ZNF778: variants seen among roughly 807,000 people sequenced by gnomAD.
ZNF778 encodes the protein zinc finger protein 778.
Under a neutral mutation model 23.9 loss-of-function variants are expected in ZNF778, and 37 were observed. The observed-to-expected ratio is 1.54, with a 90% CI of 1.19 to 2.03. The LOEUF (loss-of-function observed/expected upper bound fraction) is 2.03, where lower values mean the gene tolerates loss of function less well. ZNF778 is among the 30% of genes most tolerant of loss of function. The pLI is 0.00. For synonymous variants in ZNF778, 483 were observed against 343.9 expected, an observed-to-expected ratio of 1.40 and a Z score of -4.48; for missense variants, 1,297 against 934.4, an observed-to-expected ratio of 1.39 and a Z score of -5.06.
At position 89,225,574 on chromosome 16, in the gene ZNF778, A is replaced by C; in HGVS notation, c.348A>C (p.Lys116Asn). The change falls in exon 6 of 7, where the codon AAA (lysine) becomes AAC (asparagine). Residue 116 changes from lysine (K) to asparagine (N), a missense_variant. Coordinates refer to ENST00000433976, the MANE Select transcript of ZNF778 (RefSeq NM_001201407.2). Reference protein sequence around the residue: ...AVLQEWRLKTKGPALRQDRSW... With the variant: ...AVLQEWRLKTNGPALRQDRSW... ...TTTCAGAATGGCGACTTAAAACCAA[A>C]GGGCCAGCACTTCGGCAGGATAGAT... 6.2e-7 allele frequency: 1 copy of C among 1,612,456 alleles called. No individual in the cohort carries two copies. Among genetic ancestry groups the C allele is most frequent in the Non-Finnish European group, 8.5e-7 (1 of 1,178,988 alleles).
rs1192614950 is a variant in ZNF778, at chr16:89,227,170, C to G, written c.882C>G (p.Ala294=). ...GTGGGAAGGCCTTTAGGTACACTGCCTACCTTACTGGTCGCGTGCAAGTCC... is the reference window on the plus strand; with the variant it reads ...GTGGGAAGGCCTTTAGGTACACTGCGTACCTTACTGGTCGCGTGCAAGTCC... ...RECGKAFRYT[A]YLTGRVQVHP... Residue 294 remains alanine, a synonymous_variant, in exon 7 of 7, where the codon GCC becomes GCG. Transcript: ENST00000433976. 9.9e-6 allele frequency: 16 copies of G among 1,613,982 alleles called. No homozygotes were observed. Among genetic ancestry groups the G allele is most frequent in the Non-Finnish European group, 1.4e-5 (16 of 1,179,876 alleles).
Position 89,230,292 on chromosome 16 carries a change from C to A in ZNF778, c.*1730C>A. 1 of 159,316 alleles carries A rather than the reference C, an allele frequency of 6.3e-6. No individual in the cohort carries two copies. Among genetic ancestry groups the A allele is most frequent in the Non-Finnish European group, 1.3e-5 (1 of 74,454 alleles). The allele number at this position is 159,316 out of a possible 1,614,324, so 9.9% of individuals were successfully genotyped here. The stretch of plus-strand genomic sequence containing the variant: ...TGGCCGTGGAGGGAGAACCACCACC[C>A]CCCACGTGGGGAGGAGGGAATTCCT... On this transcript the variant is annotated 3_prime_UTR_variant, in exon 7 of 7. Transcript: ENST00000433976.
intron 1 of ZNF778, among the ~76,000 whole-genome samples, chr16:89,218,805 A>G (rs1318195151): frequency 7.0e-6 from 1 of 142,910 alleles, no homozygotes; most frequent in Non-Finnish European, 1.5e-5. Flanking sequence ...AATAATAATA[A>G]TAATTAAAAA....
At chr16:89,222,743 A>C (rs1252055732) in intron 3 of ZNF778, among the ~76,000 whole-genome samples, 1 of 152,228 alleles carries the variant, frequency 6.6e-6, no homozygotes, top group African/African-American at 2.4e-5. Flanking sequence ...ATGGTAAGGA[A>C]GGGGAAGGTA....
chr16:89,222,135 G>A lies in ZNF778; in HGVS notation c.69G>A (p.Gln23=), dbSNP rs767354721. The A allele has an allele frequency of 6.2e-7, 1 of 1,607,180 alleles. No homozygotes were observed. The highest frequency in any genetic ancestry group is 1.3e-5 in the African/African-American group (1 of 74,792). The part of the protein sequence containing the change: ...SRDSVCLHEE[Q]TQAAGMVAGW... ...ACTCAGTCTGCCTTCATGAAGAACA[G>A]ACACAGGCAGCAGGGATGGTGGCTG... is the stretch of plus-strand genomic sequence containing the variant. The change falls in exon 3 of 7, where the codon CAG becomes CAA. Residue 23 remains glutamine (Q), a synonymous_variant. Transcript: ENST00000433976.
In ZNF778 at chr16:89,224,614, G is replaced by C. The variant is rs565474190; in HGVS notation, c.245-105G>C. The C allele has an allele frequency of 4.6e-5, 39 of 842,458 alleles. No homozygotes were observed. The South Asian group carries it at 5.4e-4, about 12-fold the overall frequency. The allele number at this position is 842,458 out of a possible 1,614,324, so 52.2% of individuals were successfully genotyped here. A position where few individuals can be genotyped will look rare whatever the true frequency, so the allele number is the denominator to read the frequency against. On this transcript the variant is annotated intron_variant, in intron 4 of 6. Coordinates refer to ENST00000433976, the MANE Select transcript of ZNF778 (RefSeq NM_001201407.2). ...AGCCTGGGCAACAGCGCGAGACGCT[G>C]TCTCAAAAAATAATAAAAAAAAGGA...
chr16:89,224,703 C>T lies in ZNF778; in HGVS notation c.245-16C>T, dbSNP rs936316404. 6.5e-6 allele frequency: 10 copies of T among 1,531,002 alleles called. No homozygotes were observed. Among genetic ancestry groups the T allele is most frequent in the Non-Finnish European group, 7.9e-6 (9 of 1,142,434 alleles). 94.8% of individuals were successfully genotyped at this position (1,531,002 alleles called of 1,614,324 possible). On this transcript the variant is annotated splice_polypyrimidine_tract_variant and intron_variant, in intron 4 of 6. Coordinates refer to ENST00000433976, the MANE Select transcript of ZNF778 (RefSeq NM_001201407.2). ...GCCTGAGCCTCTTCCATCGATGTCT[C>T]TTTCCCTGTGTACAGGACATCACCT...
At chr16:89,224,181 G>T (rs146217635) in intron 4 of ZNF778, among the ~76,000 whole-genome samples, 2,100 of 151,550 alleles carry the variant, frequency 0.014, 32 homozygotes, top group Non-Finnish European at 0.02. Flanking sequence ...CAGTGGCTCA[G>T]GGCTGTAATC....
chr16:89,228,169 C>G lies in ZNF778; in HGVS notation c.1881C>G (p.Thr627=). ...GTAAAGTATGCGGAAAGGCCTTCACCACATCCTCACACCTTATCGTGCACA... is the reference window on the plus strand; with the variant it reads ...GTAAAGTATGCGGAAAGGCCTTCACGACATCCTCACACCTTATCGTGCACA... The part of the protein sequence containing the change: ...YECKVCGKAF[T]TSSHLIVHIR... Residue 627 remains threonine (T), a synonymous_variant, in exon 7 of 7, where the codon ACC becomes ACG. Coordinates refer to ENST00000433976, the MANE Select transcript of ZNF778 (RefSeq NM_001201407.2). The G allele has an allele frequency of 6.2e-7, 1 of 1,613,400 alleles. No individual in the cohort carries two copies. Among genetic ancestry groups the G allele is most frequent in the Non-Finnish European group, 8.5e-7 (1 of 1,179,586 alleles).
chr16:89,218,734 T>G (rs2030613487), intron 1 of ZNF778, among the ~76,000 whole-genome samples: 1 of 152,008 alleles, frequency 6.6e-6, no homozygotes, highest in Admixed American at 6.6e-5. Context: ...GAGCTTGCAG[T>G]GAGCCGAGAT....
rs757942075 is a variant in ZNF778 at position 89,227,998 on chromosome 16, C to T, written c.1710C>T (p.Phe570=). 3.8e-6 allele frequency: 6 copies of T among 1,589,048 alleles called. No individual in the cohort carries two copies. The highest frequency in any genetic ancestry group is 1.7e-4 in the Middle Eastern group (1 of 6,018). Residue 570 remains phenylalanine (F), a synonymous_variant, in exon 7 of 7, where the codon TTC becomes TTT. Transcript: ENST00000433976. ...TATGTACGGTATGCAGGAAATCCTTCAGAAATTCCTCGTGCCTGAATAAGC... is the reference window on the plus strand; with the variant it reads ...TATGTACGGTATGCAGGAAATCCTTTAGAAATTCCTCGTGCCTGAATAAGC... The part of the protein sequence containing the change: ...PFICTVCRKS[F]RNSSCLNKHI...
At position 89,226,946 on chromosome 16, in the gene ZNF778, A is replaced by C. The variant is rs183423970; in HGVS notation, c.658A>C (p.Thr220Pro). 5.0e-6 allele frequency: 8 copies of C among 1,613,888 alleles called. No homozygotes were observed. In the African/African-American group the frequency reaches 1.1e-4, roughly 22 times the overall value. Residue 220 changes from threonine to proline, a missense_variant, in exon 7 of 7, where the codon ACT becomes CCT. Coordinates refer to ENST00000433976, the MANE Select transcript of ZNF778 (RefSeq NM_001201407.2). ...AAATGTTGTTTCCCAGCAAGCATGC[A>C]CTCGGGACAGATCTCTTGACTACAG... ...TPNVVSQQAC[T>P]RDRSLDYSSC...
Position 89,229,106 on chromosome 16 carries a change from T to C in ZNF778, c.*544T>C. 1.0e-6 allele frequency: 1 copy of C among 986,246 alleles called. No homozygotes were observed. The highest frequency in any genetic ancestry group is 1.2e-6 in the Non-Finnish European group (1 of 830,536). 61.1% of individuals were successfully genotyped at this position (986,246 alleles called of 1,614,324 possible). A position where few individuals can be genotyped will look rare whatever the true frequency, so the allele number is the denominator to read the frequency against. On this transcript the variant is annotated 3_prime_UTR_variant, in exon 7 of 7. Coordinates refer to ENST00000433976, the MANE Select transcript of ZNF778 (RefSeq NM_001201407.2). ...CACTGATCATTCTTGGAGTGAGGAC[T>C]CTGTTCCCTGTAGAAATCCTCCAGT...
intron 1 of ZNF778, chr16:89,218,171 C>G (rs1344460499): frequency 6.6e-6 from 1 of 152,182 alleles, no homozygotes; most frequent in Non-Finnish European, 1.5e-5. Context: ...TCCCGCTGGT[C>G]TTGGAGTAAT....
At position 89,227,487 on chromosome 16, in the gene ZNF778, A is replaced by C; in HGVS notation, c.1199A>C (p.Lys400Thr). The change falls in exon 7 of 7, where the codon AAA becomes ACA. Residue 400 changes from lysine (K) to threonine (T), a missense_variant. Lys to Thr is a moderately conservative substitution (Grantham distance 78). Transcript: ENST00000433976. ...EKPFACVVCG[K>T]YFRNSSCLNN... ...CCCTTTGCATGTGTGGTTTGCGGAA[A>C]ATATTTTAGAAATTCCTCATGCCTT... is the stretch of plus-strand genomic sequence containing the variant. 1.2e-6 allele frequency: 2 copies of C among 1,613,816 alleles called. No homozygotes were observed. Among genetic ancestry groups the C allele is most frequent in the Non-Finnish European group, 1.7e-6 (2 of 1,179,844 alleles).
In ZNF778 at chr16:89,221,137, C is replaced by T. The variant is rs748301376; in HGVS notation, c.10C>T (p.Pro4Ser). The change falls in exon 2 of 7, where the codon CCT becomes TCT. Residue 4 changes from proline to serine, a missense_variant. Physicochemically the swap from Pro to Ser is moderately conservative, Grantham distance 74. Transcript: ENST00000433976. The stretch of plus-strand genomic sequence containing the variant: ...CCGTCAGCCTCCCAGGATGGCAGCC[C>T]CTGACCTGGCCCACGGTAAGTCCTG... MAA[P>S]DLAHGGHVSR... 1.3e-6 allele frequency: 2 copies of T among 1,566,820 alleles called. No homozygotes were observed. Among genetic ancestry groups the T allele is most frequent in the Non-Finnish European group, 1.7e-6 (2 of 1,155,412 alleles).
In ZNF778 at chr16:89,227,605, C is replaced by T. The variant is rs768061129; in HGVS notation, c.1317C>T (p.His439=). 40 of 1,614,046 alleles carry T rather than the reference C, an allele frequency of 2.5e-5. No homozygotes were observed. Among genetic ancestry groups the T allele is most frequent in the East Asian group, 4.5e-5 (2 of 44,896 alleles). Residue 439 remains histidine, a synonymous_variant, in exon 7 of 7, where the codon CAC becomes CAT. Transcript: ENST00000433976. ...CTGTGCGCTGTGGCCTTACTAGACA[C>T]GTACGAACACACACGGGCGAGAAGC... ...AFTVRCGLTR[H]VRTHTGEKPY...
intron 3 of ZNF778, 36 bp from the exon 4 acceptor site, chr16:89,223,121 G>A (rs191508866): frequency 2.5e-6 from 4 of 1,604,150 alleles, no homozygotes; most frequent in South Asian, 2.2e-5. Flanking sequence ...CGATGGACAC[G>A]TTGGAAGGCT....
In ZNF778 at chr16:89,225,623, A is replaced by T; in HGVS notation, c.397A>T (p.Thr133Ser). ...ATCTTGGTTCAGAGCATCAAATGAG[A>T]CACAGACGGTAAGATTAACAAGAGA... ...DRSWFRASNE[T>S]QTARSHNGGQ... is the part of the protein sequence containing the mutation. Residue 133 changes from threonine to serine, a missense_variant, in exon 6 of 7, where the codon ACA (threonine) becomes TCA (serine). Coordinates refer to ENST00000433976, the MANE Select transcript of ZNF778 (RefSeq NM_001201407.2). The T allele has an allele frequency of 6.2e-7, 1 of 1,612,572 alleles. No individual in the cohort carries two copies. Among genetic ancestry groups the T allele is most frequent in the Non-Finnish European group, 8.5e-7 (1 of 1,179,036 alleles).
Sources: gnomAD v4.1 joint callset for allele counts (sites outside exome capture counted in the v4.1 genomes callset) on GRCh38, gnomAD v4.1.1 for gene constraint, MANE v1.5 for transcripts, NCBI Gene and HGNC (gene_info 2026-07-23, HGNC 2026-07-21) for gene names.